Variants in HSD17B8 observed in about 807,000 individuals in gnomAD.
HSD17B8 encodes the protein hydroxysteroid 17-beta dehydrogenase 8.
Under a neutral mutation model 33.2 loss-of-function variants are expected in HSD17B8, and 23 were observed. The observed-to-expected ratio is 0.69, with a 90% CI of 0.50 to 0.98. The LOEUF is 0.98. Ranked by LOEUF, HSD17B8 falls within the 50% of genes least tolerant of loss-of-function variation. The pLI is 0.00. For synonymous variants in HSD17B8, 137 were observed against 138.6 expected (o/e 0.99, Z 0.08); for missense variants, 345 against 347.5 (o/e 0.99, Z 0.06).
chr6:33,204,661 A>G lies in HSD17B8; in HGVS notation c.-8A>G, dbSNP rs1416587529. ...AGTGCTGGGATTCCCACCCACCCAC[A>G]GCCCGCCATGGCGTCTCAGCTCCAG... is the stretch of plus-strand genomic sequence containing the variant. On this transcript the variant is annotated 5_prime_UTR_variant, in exon 1 of 9. Coordinates refer to ENST00000374662, the MANE Select transcript of HSD17B8 (RefSeq NM_014234.5). 6.2e-7 allele frequency: 1 copy of G among 1,611,650 alleles called. No individual in the cohort carries two copies.
chr6:33,205,990 AG>A lies in HSD17B8; in HGVS notation c.651+79del. 1.4e-6 allele frequency: 2 copies of A among 1,444,804 alleles called. No homozygotes were observed. The highest frequency in any genetic ancestry group is 1.9e-6 in the Non-Finnish European group (2 of 1,029,128). The allele number at this position is 1,444,804 out of a possible 1,614,324, so 89.5% of individuals were successfully genotyped here. A position where few individuals can be genotyped will look rare whatever the true frequency, so the allele number is the denominator to read the frequency against. ...GCTTCACAGAGAGAGAGAGAGAGAGAGAGAGAGAATACTGGGCACAGTTCCT... is the reference window on the plus strand; with the variant it reads ...GCTTCACAGAGAGAGAGAGAGAGAGAAGAGAGAATACTGGGCACAGTTCCT... On this transcript the variant is annotated intron_variant, in intron 6 of 8. Transcript: ENST00000374662. The surrounding 1 kb of genome is among the most constrained non-coding windows in gnomAD (Gnocchi z 5.0).
At position 33,205,764 on chromosome 6, in the gene HSD17B8, G is replaced by T. The variant is rs1245281843; in HGVS notation, c.566+39G>T. 5.0e-6 allele frequency: 8 copies of T among 1,609,926 alleles called. No individual in the cohort carries two copies. The highest frequency in any genetic ancestry group is 2.2e-5 in the South Asian group (2 of 91,028). ...TTGAGGGTGCTGGGGAGCACCTGGGGGGTCTGAGGGAGGTACCAGCATTCA... is the reference window on the plus strand; with the variant it reads ...TTGAGGGTGCTGGGGAGCACCTGGGTGGTCTGAGGGAGGTACCAGCATTCA... On this transcript the variant is annotated intron_variant, in intron 5 of 8. Transcript: ENST00000374662. This position sits in a 1 kb window ranked among gnomAD's most constrained non-coding sequence, Gnocchi z 5.0.
In HSD17B8 at chr6:33,206,151, G is replaced by A. The variant is rs553229947; in HGVS notation, c.669G>A (p.Pro223=). The A allele has an allele frequency of 1.9e-6, 3 of 1,612,930 alleles. No individual in the cohort carries two copies. The highest frequency in any genetic ancestry group is 2.2e-5 in the East Asian group (1 of 44,892). The part of the protein sequence containing the change: ...KVVDKITEMI[P]MGHLGDPEDV... ...CCTTACAGATTACTGAAATGATCCC[G>A]ATGGGACACTTGGGGGACCCTGAGG... Residue 223 remains proline (P), a synonymous_variant, in exon 7 of 9, where the codon CCG becomes CCA. Transcript: ENST00000374662. The surrounding 1 kb of genome is among the most constrained non-coding windows in gnomAD (Gnocchi z 6.2).
chr6:33,205,095 C>T lies in HSD17B8; in HGVS notation c.246C>T (p.Ala82=). 1.9e-6 allele frequency: 3 copies of T among 1,565,798 alleles called. No homozygotes were observed. In the South Asian group the frequency reaches 3.6e-5, roughly 19 times the overall value. Residue 82 remains alanine, a synonymous_variant, in exon 2 of 9, where the codon GCC becomes GCT. Coordinates refer to ENST00000374662, the MANE Select transcript of HSD17B8 (RefSeq NM_014234.5). This position sits in a 1 kb window ranked among gnomAD's most constrained non-coding sequence, Gnocchi z 5.0. The stretch of plus-strand genomic sequence containing the variant: ...CTGACGTGTCTGAGGCCAGGGCCGC[C>T]AGGTGCCTGCTGGAACAAGTGCAGG... The part of the protein sequence containing the change: ...FQADVSEARA[A]RCLLEQVQAC...
chr6:33,206,436 A>C lies in HSD17B8; in HGVS notation c.756A>C (p.Ser252=). The C allele has an allele frequency of 6.2e-7, 1 of 1,613,670 alleles. No individual in the cohort carries two copies. Among genetic ancestry groups the C allele is most frequent in the Non-Finnish European group, 8.5e-7 (1 of 1,179,562 alleles). Residue 252 remains serine (S), a synonymous_variant, in exon 8 of 9, where the codon TCA becomes TCC. Coordinates refer to ENST00000374662, the MANE Select transcript of HSD17B8 (RefSeq NM_014234.5). This position sits in a 1 kb window ranked among gnomAD's most constrained non-coding sequence, Gnocchi z 6.2. ...SEDSGYITGT[S]VEVTGGLFM The stretch of plus-strand genomic sequence containing the variant: ...ATAGTGGATACATCACAGGGACCTC[A>C]GTGGAAGTCACTGGTATGAGGCCAG...
rs1251951223 is a variant in HSD17B8, at chr6:33,205,979, G to C, written c.651+67G>C. 2 of 1,285,426 alleles carry C rather than the reference G, an allele frequency of 1.6e-6. No individual in the cohort carries two copies. The highest frequency in any genetic ancestry group is 1.8e-5 in the Admixed American group (1 of 56,458). 79.6% of individuals were successfully genotyped at this position (1,285,426 alleles called of 1,614,324 possible). ...AATCTCTCTGGGCTTCACAGAGAGA[G>C]AGAGAGAGAGAGAGAGAGAATACTG... On this transcript the variant is annotated intron_variant, in intron 6 of 8. Transcript: ENST00000374662. The surrounding 1 kb of genome is among the most constrained non-coding windows in gnomAD (Gnocchi z 5.0).
chr6:33,205,137 T>C lies in HSD17B8; in HGVS notation c.270+18T>C, dbSNP rs1466733661. 20 of 1,581,800 alleles carry C rather than the reference T, an allele frequency of 1.3e-5. No individual in the cohort carries two copies. The highest frequency in any genetic ancestry group is 1.7e-5 in the Non-Finnish European group (20 of 1,161,976). On this transcript the variant is annotated intron_variant, in intron 2 of 8. Transcript: ENST00000374662. This position sits in a 1 kb window ranked among gnomAD's most constrained non-coding sequence, Gnocchi z 5.0. ...AAGTGCAGGTGAACGCTAGGCCACTTTCCCCCTCTAAAGCTCTGATATTGC... is the reference window on the plus strand; with the variant it reads ...AAGTGCAGGTGAACGCTAGGCCACTCTCCCCCTCTAAAGCTCTGATATTGC...
intron 1 of HSD17B8, 36 bp from the exon 2 acceptor site, chr6:33,204,866 C>CCCGTGCCCGGT: frequency 6.7e-7 from 1 of 1,492,824 alleles, no homozygotes; most frequent in South Asian, 1.3e-5. Context: ...CCCTCTCCTC[C>CCCGTGCCCGGT]CCGTGCCCGG....
Position 33,204,999 on chromosome 6 carries a change from G to C in HSD17B8, c.150G>C (p.Glu50Asp). The change falls in exon 2 of 9, where the codon GAG becomes GAC. Residue 50 changes from glutamate (E) to aspartate (D), a missense_variant. By Grantham distance (45) the Glu-to-Asp change is conservative. Coordinates refer to ENST00000374662, the MANE Select transcript of HSD17B8 (RefSeq NM_014234.5). Reference protein sequence around the residue: ...ACDLDRAAAQETVRLLGGPGS... With the variant: ...ACDLDRAAAQDTVRLLGGPGS... Reference sequence around the variant, plus strand: ...ACCTGGACCGGGCAGCGGCACAGGAGACGGTGCGGCTGCTGGGCGGGCCAG... The same window carrying C: ...ACCTGGACCGGGCAGCGGCACAGGACACGGTGCGGCTGCTGGGCGGGCCAG... 1 of 1,499,950 alleles carries C rather than the reference G, an allele frequency of 6.7e-7. No homozygotes were observed. Among genetic ancestry groups the C allele is most frequent in the Non-Finnish European group, 8.8e-7 (1 of 1,130,404 alleles). 92.9% of individuals were successfully genotyped at this position (1,499,950 alleles called of 1,614,324 possible).
rs1775041862 is a variant in HSD17B8 at position 33,206,105 on chromosome 6, C to T, written c.652-29C>T. 1 of 1,606,336 alleles carries T rather than the reference C, an allele frequency of 6.2e-7. No homozygotes were observed. Among genetic ancestry groups the T allele is most frequent in the East Asian group, 2.2e-5 (1 of 44,832 alleles). On this transcript the variant is annotated intron_variant, in intron 6 of 8. Transcript: ENST00000374662. The surrounding 1 kb of genome is among the most constrained non-coding windows in gnomAD (Gnocchi z 6.2). ...TCTTCAAAAAAATCCATAAAAGAAG[C>T]TTTCACCCACATGAGTATTTCCTTA...
intron 1 of HSD17B8, 23 bp downstream of exon 1, chr6:33,204,743 G>A: frequency 1.2e-6 from 2 of 1,612,808 alleles, no homozygotes; most frequent in Admixed American, 1.7e-5. Context: ...CTTTCCCCGG[G>A]CGGTTTGGGG....
At position 33,204,668 on chromosome 6, in the gene HSD17B8, C is replaced by T. The variant is rs1201088518; in HGVS notation, c.-1C>T. On this transcript the variant is annotated 5_prime_UTR_variant, in exon 1 of 9. Transcript: ENST00000374662. ...GGATTCCCACCCACCCACAGCCCGC[C>T]ATGGCGTCTCAGCTCCAGAACCGAC... 1.2e-6 allele frequency: 2 copies of T among 1,612,686 alleles called. No homozygotes were observed. Among genetic ancestry groups the T allele is most frequent in the East Asian group, 2.2e-5 (1 of 44,882 alleles).
At position 33,206,360 on chromosome 6, in the gene HSD17B8, C is replaced by A; in HGVS notation, c.695-15C>A. The A allele has an allele frequency of 1.2e-6, 2 of 1,612,606 alleles. No individual in the cohort carries two copies. Among genetic ancestry groups the A allele is most frequent in the Non-Finnish European group, 1.7e-6 (2 of 1,179,318 alleles). On this transcript the variant is annotated splice_polypyrimidine_tract_variant and intron_variant, in intron 7 of 8. Coordinates refer to ENST00000374662, the MANE Select transcript of HSD17B8 (RefSeq NM_014234.5). This position sits in a 1 kb window ranked among gnomAD's most constrained non-coding sequence, Gnocchi z 6.2. ...GAGTGAGCAGAATTCTGCCCTCTCC[C>A]CACCATTCTCATAGATGTGGCAGAT...
chr6:33,206,243 G>A lies in HSD17B8; in HGVS notation c.694+67G>A. Reference sequence around the variant, plus strand: ...AATGAAGAGATCCCCAAAGTTTGGGGATTTTCTAGGGGACTGGTGGTTGGT... The same window carrying A: ...AATGAAGAGATCCCCAAAGTTTGGGAATTTTCTAGGGGACTGGTGGTTGGT... On this transcript the variant is annotated intron_variant, in intron 7 of 8. Transcript: ENST00000374662. This position sits in a 1 kb window ranked among gnomAD's most constrained non-coding sequence, Gnocchi z 6.2. 1.9e-6 allele frequency: 3 copies of A among 1,580,126 alleles called. No individual in the cohort carries two copies. The highest frequency in any genetic ancestry group is 2.6e-6 in the Non-Finnish European group (3 of 1,151,922).
Position 33,204,889 on chromosome 6 carries a change from T to C in HSD17B8, c.53-13T>C. ...TCCCCGTGCCCGGTCCGGCGTGTTCTGTCCTACCTCAGGTGCGGGGAGCGG... is the reference window on the plus strand; with the variant it reads ...TCCCCGTGCCCGGTCCGGCGTGTTCCGTCCTACCTCAGGTGCGGGGAGCGG... On this transcript the variant is annotated splice_polypyrimidine_tract_variant and intron_variant, in intron 1 of 8. Coordinates refer to ENST00000374662, the MANE Select transcript of HSD17B8 (RefSeq NM_014234.5). 6.8e-7 allele frequency: 1 copy of C among 1,480,986 alleles called. No individual in the cohort carries two copies. 91.7% of individuals were successfully genotyped at this position (1,480,986 alleles called of 1,614,324 possible).
At position 33,206,772 on chromosome 6, in the gene HSD17B8, T is replaced by C; in HGVS notation, c.*118T>C. 9.2e-7 allele frequency: 1 copy of C among 1,084,584 alleles called. No individual in the cohort carries two copies. 67.2% of individuals were successfully genotyped at this position (1,084,584 alleles called of 1,614,324 possible). A position where few individuals can be genotyped will look rare whatever the true frequency, so the allele number is the denominator to read the frequency against. ...GTGGCAGTGTATGGTTCAGGAATGC[T>C]GAATATGGGAAGCAGGGGTGCTTGT... On this transcript the variant is annotated 3_prime_UTR_variant, in exon 9 of 9. Coordinates refer to ENST00000374662, the MANE Select transcript of HSD17B8 (RefSeq NM_014234.5). This position sits in a 1 kb window ranked among gnomAD's most constrained non-coding sequence, Gnocchi z 6.2.
In HSD17B8 at chr6:33,205,212, C is replaced by A. The variant is rs749352910; in HGVS notation, c.271-9C>A. ...GGGGTTTTTGATGCGTAACCTCCCC[C>A]TCCCATAGGCCTGCTTTTCTCGCCC... On this transcript the variant is annotated splice_polypyrimidine_tract_variant and intron_variant, in intron 2 of 8. Coordinates refer to ENST00000374662, the MANE Select transcript of HSD17B8 (RefSeq NM_014234.5). This position sits in a 1 kb window ranked among gnomAD's most constrained non-coding sequence, Gnocchi z 5.0. 6.2e-6 allele frequency: 10 copies of A among 1,612,602 alleles called. No homozygotes were observed. The highest frequency in any genetic ancestry group is 1.7e-5 in the Admixed American group (1 of 59,986).
chr6:33,204,783 G>C (rs1424451498), intron 1 of HSD17B8, 63 bp downstream of exon 1: 5 of 1,600,004 alleles, frequency 3.1e-6, no homozygotes, highest in African/African-American at 1.3e-5. Flanking sequence ...GCGTGCCCTT[G>C]GAGTGCGCGG....
chr6:33,205,556 C>G lies in HSD17B8; in HGVS notation c.480+17C>G, dbSNP rs760563977. ...GTAGGAAAGGTCAGGTTGAGTTGGA[C>G]GAGGTCAGCCAGCCAAGTGGTATAG... On this transcript the variant is annotated intron_variant, in intron 4 of 8. Coordinates refer to ENST00000374662, the MANE Select transcript of HSD17B8 (RefSeq NM_014234.5). The surrounding 1 kb of genome is among the most constrained non-coding windows in gnomAD (Gnocchi z 5.0). 5.0e-6 allele frequency: 8 copies of G among 1,611,998 alleles called. No individual in the cohort carries two copies. In the African/African-American group the frequency reaches 1.1e-4, roughly 22 times the overall value.
Sources: allele counts gnomAD v4.1 joint callset, GRCh38; gene constraint gnomAD v4.1.1; non-coding constraint Gnocchi (gnomAD v3.1); transcripts MANE v1.5; gene names NCBI Gene and HGNC (gene_info 2026-07-23, HGNC 2026-07-21).